Variants in ARHGAP29 observed in about 807,000 individuals in gnomAD.
The protein encoded by ARHGAP29 is rho GTPase-activating protein 29.
In ARHGAP29, 43 loss-of-function variants were observed where a neutral mutation model predicts 122.6. The observed-to-expected ratio is 0.35, with a 90% confidence interval of 0.27 to 0.45. ARHGAP29 has a LOEUF of 0.45. Ranked by LOEUF, ARHGAP29 falls within the 20% of genes least tolerant of loss-of-function variation. The pLI is 1.00. For missense variants in ARHGAP29, 1,303 were observed against 1,477.2 expected (o/e 0.88, Z 1.93); for synonymous variants, 506 against 497.1 (o/e 1.02, Z -0.24).
At chr1:94,187,460 A>G (rs1011791068) in intron 15 of ARHGAP29, among the ~76,000 whole-genome samples, 1 of 152,178 alleles carries the variant, frequency 6.6e-6, no homozygotes, top group Admixed American at 6.5e-5. Flanking sequence ...TTTTATAACT[A>G]TTCTAATTGT....
At chr1:94,273,079 CA>C (rs1233881274) in intron 1 of ARHGAP29, among the ~76,000 whole-genome samples, 4 of 152,100 alleles carry the variant, frequency 2.6e-5, no homozygotes, top group Non-Finnish European at 5.9e-5. Context: ...ACACTGTGAC[CA>C]AGCAGGTAAC....
chr1:94,204,394 T>C (rs868034425), intron 7 of ARHGAP29, among the ~76,000 whole-genome samples: 10 of 152,328 alleles, frequency 6.6e-5, no homozygotes, highest in Middle Eastern at 3.4e-3. Flanking sequence ...CTCTGAAGGA[T>C]AGGACCTAGG....
the ARHGAP29 span, chr1:94,302,774 A>G: frequency 3.3e-6 from 1 of 302,242 alleles, no homozygotes; most frequent in Non-Finnish European, 6.5e-6. Context: ...TGGAGAAACC[A>G]GCCAAATATG....
chr1:94,172,725 T>C lies in ARHGAP29; in HGVS notation c.*1144A>G, dbSNP rs1367858084. ...CTTATTTTTTGTCCCTTTTATATCC[T>C]ATTTTAGGCAAAATGATAAAACCCA... On this transcript the variant is annotated 3_prime_UTR_variant, in exon 23 of 23. Transcript: ENST00000260526. 6.6e-6 allele frequency: 1 copy of C among 152,358 alleles called. No homozygotes were observed. Among genetic ancestry groups the C allele is most frequent in the African/African-American group, 2.4e-5 (1 of 41,424 alleles). 9.4% of individuals were successfully genotyped at this position (152,358 alleles called of 1,614,324 possible).
chr1:94,232,419 T>C (rs1652975711), intron 1 of ARHGAP29, among the ~76,000 whole-genome samples: 1 of 152,182 alleles, frequency 6.6e-6, no homozygotes, highest in Admixed American at 6.5e-5. Context: ...GATATTTCTT[T>C]GTTGAAAATA....
rs1173053242 is a variant in ARHGAP29 at position 94,174,131 on chromosome 1, CTGA to C, written c.3521_3523del (p.Ile1174del). 2 of 1,614,150 alleles carry C rather than the reference CTGA, an allele frequency of 1.2e-6. No homozygotes were observed. The highest frequency in any genetic ancestry group is 1.7e-6 in the Non-Finnish European group (2 of 1,180,036). ...TGGCTTCTCCTCATTCCCCCTGATA[CTGA>C]TGATGGGAGCATGTGGTTTATAAAA... On this transcript the variant is annotated inframe_deletion, in exon 23 of 23. Transcript: ENST00000260526.
rs1176808650 is a variant in ARHGAP29 at position 94,172,167 on chromosome 1, A to C, written c.*1702T>G. The C allele has an allele frequency of 6.6e-6, 1 of 152,158 alleles. No homozygotes were observed. The highest frequency in any genetic ancestry group is 1.5e-5 in the Non-Finnish European group (1 of 68,020). The allele number at this position is 152,158 out of a possible 1,614,324, so 9.4% of individuals were successfully genotyped here. A position where few individuals can be genotyped will look rare whatever the true frequency, so the allele number is the denominator to read the frequency against. ...GTTACACCTGTGGAACACTGAAGCAAGTCATTTAACTAAGCCTTAGTTTCC... is the reference window on the plus strand; with the variant it reads ...GTTACACCTGTGGAACACTGAAGCACGTCATTTAACTAAGCCTTAGTTTCC... On this transcript the variant is annotated 3_prime_UTR_variant, in exon 23 of 23. Transcript: ENST00000260526.
chr1:94,251,501 C>T (rs1011565006), intron 1 of ARHGAP29, among the ~76,000 whole-genome samples: 5 of 152,160 alleles, frequency 3.3e-5, no homozygotes, highest in Admixed American at 3.3e-4. Context: ...AGAATTTCTG[C>T]TGGACTTCAT....
the ARHGAP29 span, among the ~76,000 whole-genome samples, chr1:94,295,224 G>A: frequency 2.0e-5 from 3 of 152,214 alleles, no homozygotes; most frequent in Admixed American, 6.5e-5. Context: ...GTTAGAGAAG[G>A]TGGGTAGCCG....
At chr1:94,294,228 G>A in the ARHGAP29 span, among the ~76,000 whole-genome samples, 1 of 152,014 alleles carries the variant, frequency 6.6e-6, no homozygotes, top group South Asian at 2.1e-4. Context: ...GGTCAGACAT[G>A]CAGCCAAAAG....
intron 1 of ARHGAP29, among the ~76,000 whole-genome samples, chr1:94,244,216 CCACACACAAAAAAAACAAAAA>C (rs1220395788): frequency 1.4e-5 from 2 of 142,872 alleles, no homozygotes; most frequent in East Asian, 4.2e-4. Context: ...AAAAAAAAAA[CCACACACAAAAAAAACAAAAA>C]CACACACAAA....
chr1:94,280,819 A>T, the ARHGAP29 span, among the ~76,000 whole-genome samples: 1 of 152,208 alleles, frequency 6.6e-6, no homozygotes, highest in South Asian at 2.1e-4. Context: ...TCTGCAAATT[A>T]CAACTCAATT....
Position 94,184,867 on chromosome 1 carries a change from T to C in ARHGAP29, c.2109+5A>G. ...CTTTTTAAAATTTTAAGAGTTATAA[T>C]GTACCTGTAGACACAAAGCTCTATT... On this transcript the variant is annotated splice_donor_5th_base_variant and intron_variant, in intron 18 of 22. Transcript: ENST00000260526. The C allele has an allele frequency of 4.5e-6, 7 of 1,567,184 alleles. No homozygotes were observed. Among genetic ancestry groups the C allele is most frequent in the Non-Finnish European group, 6.0e-6 (7 of 1,161,242 alleles).
chr1:94,233,123 ATT>A lies in ARHGAP29; in HGVS notation c.-32-1482_-32-1481del, dbSNP rs549501067. 2.2e-3 allele frequency among the ~76,000 whole-genome samples: 326 copies of A among 149,106 alleles called. 1 individual carries two copies. Among genetic ancestry groups the A allele is most frequent in the Non-Finnish European group, 2.4e-3 (159 of 66,986 alleles). On this transcript the variant is annotated intron_variant, in intron 1 of 22. Transcript: ENST00000260526. Reference sequence around the variant, plus strand: ...CCACACCTAGCTAGCTAAAAAAAAAATTTTTTTTTTGTAGAGATACAGTTTCA... The same window carrying A: ...CCACACCTAGCTAGCTAAAAAAAAAATTTTTTTTGTAGAGATACAGTTTCA...
chr1:94,209,797 A>C (rs1053429770), intron 3 of ARHGAP29, among the ~76,000 whole-genome samples: 1 of 69,520 alleles, frequency 1.4e-5, no homozygotes, highest in Non-Finnish European at 3.2e-5. Context: ...AATTACCAAT[A>C]ATTAAAGTCA....
chr1:94,300,001 T>C, the ARHGAP29 span, among the ~76,000 whole-genome samples: 9 of 152,154 alleles, frequency 5.9e-5, no homozygotes, highest in East Asian at 3.9e-4. Flanking sequence ...CTGTTAGGCA[T>C]TGGGGCCCAG....
chr1:94,237,850 A>C, upstream of ARHGAP29: 4 of 791,808 alleles, frequency 5.1e-6, no homozygotes, highest in African/African-American at 7.4e-5. Flanking sequence ...CCTGAGGACT[A>C]GATGCGGCTA....
chr1:94,179,664 TAAAAACA>T, intron 20 of ARHGAP29, 54 bp downstream of exon 20: 2 of 1,104,830 alleles, frequency 1.8e-6, no homozygotes, highest in Non-Finnish European at 2.6e-6. Context: ...TTACCACAAT[TAAAAACA>T]AAAAACAAAT....
intron 1 of ARHGAP29, among the ~76,000 whole-genome samples, chr1:94,256,180 T>A (rs1416020361): frequency 6.6e-6 from 1 of 152,240 alleles, no homozygotes. Context: ...AGCAGGACTC[T>A]CTCCGACATA....
Sources: allele counts gnomAD v4.1 joint callset (sites outside exome capture counted in the v4.1 genomes callset), GRCh38; gene constraint gnomAD v4.1.1; transcripts MANE v1.5; gene names NCBI Gene and HGNC (gene_info 2026-07-23, HGNC 2026-07-21).